XPO5: variants seen among roughly 807,000 people sequenced by gnomAD.
XPO5 encodes the protein exportin-5.
Under a neutral mutation model 160.6 loss-of-function variants are expected in XPO5, and 46 were observed. The ratio of observed to expected loss-of-function variants is 0.29; its 90% CI spans 0.23 to 0.37. The LOEUF is 0.37. Ranked by LOEUF, XPO5 falls within the 10% of genes least tolerant of loss-of-function variation. The pLI is 1.00. For missense variants in XPO5, 1,090 were observed against 1,463.9 expected, an observed-to-expected ratio of 0.74 and a Z score of 4.17; for synonymous variants, 537 against 519.3, an observed-to-expected ratio of 1.03 and a Z score of -0.46.
At position 43,523,304 on chromosome 6, in the gene XPO5, CCAAAG is replaced by C. The variant is rs1793312258; in HGVS notation, c.*559_*563del. 4.3e-6 allele frequency: 1 copy of C among 230,642 alleles called. No individual in the cohort carries two copies. The allele number at this position is 230,642 out of a possible 1,614,324, so 14.3% of individuals were successfully genotyped here. A position where few individuals can be genotyped will look rare whatever the true frequency, so the allele number is the denominator to read the frequency against. ...TCCCATCAGGTGACCAGATTCTTGCCCAAAGCAAAGTTGAGAGAACTGACCAAGTT... is the reference window on the plus strand; with the variant it reads ...TCCCATCAGGTGACCAGATTCTTGCCCAAAGTTGAGAGAACTGACCAAGTT... On this transcript the variant is annotated 3_prime_UTR_variant, in exon 32 of 32. Coordinates refer to ENST00000265351, the MANE Select transcript of XPO5 (RefSeq NM_020750.3).
At chr6:43,543,935 TCA>T in intron 20 of XPO5, among the ~76,000 whole-genome samples, 1 of 152,284 alleles carries the variant, frequency 6.6e-6, no homozygotes, top group East Asian at 1.9e-4. Context: ...CCTTGGCCTC[TCA>T]CAGTGCTGGG....
chr6:43,539,559 C>T lies in XPO5; in HGVS notation c.2343-5552G>A, dbSNP rs1481324141. 21 of 1,391,046 alleles carry T rather than the reference C, an allele frequency of 1.5e-5. 1 individual carries two copies. In the South Asian group the frequency reaches 1.5e-4, roughly 10 times the overall value. The allele number at this position is 1,391,046 out of a possible 1,614,324, so 86.2% of individuals were successfully genotyped here. A position where few individuals can be genotyped will look rare whatever the true frequency, so the allele number is the denominator to read the frequency against. The stretch of plus-strand genomic sequence containing the variant: ...TCTTTGGCCTTGCCTCCGCGAGCTC[C>T]GCGGCCTCAGCCCCGGCCCGGTCCA... On this transcript the variant is annotated intron_variant, in intron 20 of 31. Coordinates refer to ENST00000265351, the MANE Select transcript of XPO5 (RefSeq NM_020750.3).
rs1460949265 is a variant in XPO5, at chr6:43,548,395, T to C, written c.1926A>G (p.Gln642=). The change falls in exon 18 of 32, where the codon CAA becomes CAG. Residue 642 remains glutamine, a synonymous_variant. Transcript: ENST00000265351. The stretch of plus-strand genomic sequence containing the variant: ...CTTCCATGAGGGCACACTTCTCCAT[T>C]TGTGTCAGGAGTAGCTCATTGGAGA... The part of the protein sequence containing the change: ...QLLSNELLLT[Q]MEKCALMEAL... The C allele has an allele frequency of 1.2e-5, 19 of 1,612,354 alleles. No individual in the cohort carries two copies. Among genetic ancestry groups the C allele is most frequent in the Middle Eastern group, 1.7e-4 (1 of 6,060 alleles).
chr6:43,546,521 T>A, intron 20 of XPO5, 50 bp downstream of exon 20: 1 of 1,545,424 alleles, frequency 6.5e-7, no homozygotes, highest in Non-Finnish European at 8.7e-7. Flanking sequence ...CTTTTGAAAT[T>A]TTTAAGGTAA....
Position 43,538,022 on chromosome 6 carries a change from G to A in XPO5, c.2343-4015C>T, listed in dbSNP as rs867556194. Among the ~76,000 whole-genome samples, 14 of 147,960 alleles carry A rather than the reference G, an allele frequency of 9.5e-5. 1 individual carries two copies. In the South Asian group the frequency reaches 1.3e-3, roughly 14 times the overall value. ...ATTGCTTGATCCCGGGAGGCGGAGG[G>A]TGCAGTGAGCTGAGATAGCACCAGT... On this transcript the variant is annotated intron_variant, in intron 20 of 31. Transcript: ENST00000265351.
chr6:43,573,439 G>C, intron 2 of XPO5, 41 bp downstream of exon 2: 1 of 1,609,306 alleles, frequency 6.2e-7, no homozygotes, highest in Non-Finnish European at 8.5e-7. Context: ...ATAAAGATCT[G>C]TTCTCTCAGA....
Position 43,575,875 on chromosome 6 carries a change from A to G in XPO5, c.-11T>C. ...TTGATCCATCGCCATGCCTAGCGCCACGCGCCGAGAGCGCACACCACTGCA... is the reference window on the plus strand; with the variant it reads ...TTGATCCATCGCCATGCCTAGCGCCGCGCGCCGAGAGCGCACACCACTGCA... On this transcript the variant is annotated 5_prime_UTR_variant, in exon 1 of 32. Transcript: ENST00000265351. 1.9e-6 allele frequency: 3 copies of G among 1,613,126 alleles called. No individual in the cohort carries two copies. The highest frequency in any genetic ancestry group is 2.5e-6 in the Non-Finnish European group (3 of 1,179,488).
At chr6:43,547,551 C>A (rs1338142650) in intron 19 of XPO5, 57 bp downstream of exon 19, 2 of 1,531,498 alleles carry the variant, frequency 1.3e-6, no homozygotes, top group Non-Finnish European at 1.8e-6. Flanking sequence ...TGACAAAAGA[C>A]AACACCCTAC....
At chr6:43,563,282 A>G (rs932768377) in intron 8 of XPO5, among the ~76,000 whole-genome samples, 3 of 152,168 alleles carry the variant, frequency 2.0e-5, no homozygotes, top group African/African-American at 7.2e-5. Flanking sequence ...GCATGCCACC[A>G]TACGCAGCTA....
rs1176595858 is a variant in XPO5 at position 43,528,848 on chromosome 6, G to C, written c.2755C>G (p.Leu919Val). Reference sequence around the variant, plus strand: ...CTTACCATATGGAGGTAGGTGAAAAGAGGTCCGAGGATGGGGGATACCAGG... The same window carrying C: ...CTTACCATATGGAGGTAGGTGAAAACAGGTCCGAGGATGGGGGATACCAGG... ...EALVSPILGPLFTYLHMRLSQ... is the reference protein window; with the variant it reads ...EALVSPILGPVFTYLHMRLSQ... The change falls in exon 24 of 32, where the codon CTT becomes GTT. Residue 919 changes from leucine to valine, a missense_variant. Leu to Val is a conservative substitution (Grantham distance 32). Transcript: ENST00000265351. 6 of 1,613,924 alleles carry C rather than the reference G, an allele frequency of 3.7e-6. No homozygotes were observed. Among genetic ancestry groups the C allele is most frequent in the Non-Finnish European group, 5.1e-6 (6 of 1,179,852 alleles).
chr6:43,542,636 G>A (rs1367392815), intron 20 of XPO5, among the ~76,000 whole-genome samples: 8 of 152,038 alleles, frequency 5.3e-5, no homozygotes, highest in African/African-American at 1.4e-4. Context: ...ATGTTGGCCA[G>A]GCTGGTCTCA....
At chr6:43,536,684 C>T (rs138807353) in intron 20 of XPO5, among the ~76,000 whole-genome samples, 4,709 of 142,658 alleles carry the variant, frequency 0.033, 246 homozygotes, top group African/African-American at 0.11. Flanking sequence ...CGCTTGAACC[C>T]GGGAGGCAGA....
At chr6:43,543,674 T>C (rs1794818019) in intron 20 of XPO5, among the ~76,000 whole-genome samples, 2 of 140,864 alleles carry the variant, frequency 1.4e-5, no homozygotes, top group South Asian at 4.2e-4. Flanking sequence ...ATTTATTTAA[T>C]TTTTTTTTTC....
At chr6:43,545,733 A>C (rs886582896) in intron 20 of XPO5, among the ~76,000 whole-genome samples, 18 of 150,928 alleles carry the variant, frequency 1.2e-4, no homozygotes, top group Non-Finnish European at 2.2e-4. Context: ...CAAAAAAAAA[A>C]CCAATCCTGT....
chr6:43,524,625 T>A lies in XPO5; in HGVS notation c.3323A>T (p.Tyr1108Phe), dbSNP rs1793429437. The A allele has an allele frequency of 6.2e-7, 1 of 1,613,796 alleles. No homozygotes were observed. The highest frequency in any genetic ancestry group is 1.1e-5 in the South Asian group (1 of 91,078). ...FQIYEALRPR[Y>F]LEIRAVMEQI... Reference sequence around the variant, plus strand: ...CTCCATTACAGCTCTTATCTCCAGGTACCTGGGGCGCTGATATCAGCAGGG... The same window carrying A: ...CTCCATTACAGCTCTTATCTCCAGGAACCTGGGGCGCTGATATCAGCAGGG... Residue 1108 changes from tyrosine to phenylalanine, a missense_variant, in exon 31 of 32, where the codon TAC (tyrosine) becomes TTC (phenylalanine). Coordinates refer to ENST00000265351, the MANE Select transcript of XPO5 (RefSeq NM_020750.3).
Position 43,522,496 on chromosome 6 carries a change from C to A in XPO5, c.*1372G>T. On this transcript the variant is annotated 3_prime_UTR_variant, in exon 32 of 32. Transcript: ENST00000265351. Reference sequence around the variant, plus strand: ...ACAACTACATCCTCCACAGCCCCAACCAGACAGGAATAGGCAGCTATCAGG... The same window carrying A: ...ACAACTACATCCTCCACAGCCCCAAACAGACAGGAATAGGCAGCTATCAGG... 1 of 205,076 alleles carries A rather than the reference C, an allele frequency of 4.9e-6. No homozygotes were observed. Among genetic ancestry groups the A allele is most frequent in the Non-Finnish European group, 1.1e-5 (1 of 92,576 alleles). 12.7% of individuals were successfully genotyped at this position (205,076 alleles called of 1,614,324 possible). A position where few individuals can be genotyped will look rare whatever the true frequency, so the allele number is the denominator to read the frequency against.
intron 21 of XPO5, among the ~76,000 whole-genome samples, chr6:43,532,567 T>C (rs1481054948): frequency 6.6e-6 from 1 of 152,212 alleles, no homozygotes; most frequent in Non-Finnish European, 1.5e-5. Flanking sequence ...GTTCTGGACA[T>C]ACCAAGGCCT....
intron 16 of XPO5, 112 bp from the exon 17 acceptor site, chr6:43,549,690 AC>A (rs1795136217): frequency 4.5e-6 from 6 of 1,333,182 alleles, no homozygotes; most frequent in Non-Finnish European, 6.2e-6. Flanking sequence ...ATTTTTCACA[AC>A]CCTAAGAGTA....
Position 43,523,653 on chromosome 6 carries a change from G to A in XPO5, c.*215C>T, listed in dbSNP as rs749436964. ...GGGAACTATCTGGGACATCTAGACAGAATAGTTTAAGCCCTAACTCCCTTT... is the reference window on the plus strand; with the variant it reads ...GGGAACTATCTGGGACATCTAGACAAAATAGTTTAAGCCCTAACTCCCTTT... On this transcript the variant is annotated 3_prime_UTR_variant, in exon 32 of 32. Transcript: ENST00000265351. The A allele has an allele frequency of 7.2e-6, 6 of 828,836 alleles. No homozygotes were observed. Among genetic ancestry groups the A allele is most frequent in the Middle Eastern group, 2.3e-4 (1 of 4,430 alleles). 51.3% of individuals were successfully genotyped at this position (828,836 alleles called of 1,614,324 possible). A position where few individuals can be genotyped will look rare whatever the true frequency, so the allele number is the denominator to read the frequency against.
Sources: allele counts gnomAD v4.1 joint callset (sites outside exome capture counted in the v4.1 genomes callset), GRCh38; gene constraint gnomAD v4.1.1; transcripts MANE v1.5; gene names NCBI Gene and HGNC (gene_info 2026-07-23, HGNC 2026-07-21).